MAPK10: variants seen among roughly 807,000 people sequenced by gnomAD.
MAPK10 encodes the protein JNK3 alpha protein kinase.
Under a neutral mutation model 59.3 loss-of-function variants are expected in MAPK10, and 25 were observed. The ratio of observed to expected loss-of-function variants is 0.42; its 90% CI spans 0.31 to 0.59. The LOEUF (loss-of-function observed/expected upper bound fraction) is 0.59, where lower values mean the gene tolerates loss of function less well. Among genes scored for constraint, MAPK10 ranks in the 20% least tolerant of loss-of-function variants. The pLI is 0.15. For missense variants in MAPK10, 351 were observed against 568.9 expected, an observed-to-expected ratio of 0.62 and a Z score of 3.90; for synonymous variants, 190 against 200.5, an observed-to-expected ratio of 0.95 and a Z score of 0.44.
chr4:86,158,513 T>A (rs2068530188), intron 4 of MAPK10, among the ~76,000 whole-genome samples: 2 of 151,788 alleles, frequency 1.3e-5, no homozygotes, highest in East Asian at 1.9e-4. Context: ...TATAAATAAA[T>A]ACACATATAT....
intron 2 of MAPK10, among the ~76,000 whole-genome samples, chr4:86,237,977 G>A (rs907273804): frequency 2.0e-5 from 3 of 152,210 alleles, no homozygotes; most frequent in South Asian, 4.1e-4. Context: ...TATAGTTTTG[G>A]GTTTTACATT....
At chr4:86,409,511 T>C (rs1564818039) in intron 1 of MAPK10, among the ~76,000 whole-genome samples, 2 of 152,246 alleles carry the variant, frequency 1.3e-5, no homozygotes, top group Admixed American at 6.5e-5. Context: ...ATTTTCATGA[T>C]ATTGATTCTT....
chr4:86,374,745 A>C (rs937577687), intron 1 of MAPK10, among the ~76,000 whole-genome samples: 8 of 152,208 alleles, frequency 5.3e-5, no homozygotes, highest in African/African-American at 1.9e-4. Flanking sequence ...CCGTGAATTT[A>C]AGAGACAAAT....
chr4:86,323,122 T>C (rs2095939565), intron 2 of MAPK10, among the ~76,000 whole-genome samples: 1 of 152,138 alleles, frequency 6.6e-6, no homozygotes, highest in Non-Finnish European at 1.5e-5. Flanking sequence ...TGCAGTGAGC[T>C]GAGGTTGTTC....
Position 86,101,918 on chromosome 4 carries a change from G to C in MAPK10, c.540C>G (p.Leu180=), listed in dbSNP as rs1561702677. Residue 180 remains leucine, a synonymous_variant, in exon 7 of 14, where the codon CTC becomes CTG. Coordinates refer to ENST00000641462, the MANE Select transcript of MAPK10 (RefSeq NM_138982.4). ...CCCTGTGAATAATTCCAGCAGAATG[G>C]AGGTGCTTAATGCCACACAACATTT... ...LYQMLCGIKH[L]HSAGIIHRDL... 6.2e-7 allele frequency: 1 copy of C among 1,614,038 alleles called. No individual in the cohort carries two copies. The highest frequency in any genetic ancestry group is 2.2e-5 in the East Asian group (1 of 44,866).
intron 2 of MAPK10, among the ~76,000 whole-genome samples, chr4:86,280,922 C>A (rs541494433): frequency 6.6e-6 from 1 of 151,946 alleles, no homozygotes; most frequent in African/African-American, 2.4e-5. Flanking sequence ...AAGATGGGAA[C>A]AAAAGACACT....
At chr4:86,501,667 T>A (rs2904104) in intron 1 of MAPK10, among the ~76,000 whole-genome samples, 1 of 150,376 alleles carries the variant, frequency 6.6e-6, no homozygotes, top group Non-Finnish European at 1.5e-5. Flanking sequence ...TTTGTATGCA[T>A]GTGTGTGTGC....
rs560914670 is a variant in MAPK10, at chr4:86,206,256, G to A, written c.-6-11849C>T. ...TTCCCCTTCCTGTGTCCGTGTGTTC[G>A]CATTGTTCAATTCCCACCTATGAGT... On this transcript the variant is annotated intron_variant, in intron 2 of 13. Coordinates refer to ENST00000641462, the MANE Select transcript of MAPK10 (RefSeq NM_138982.4). Among the ~76,000 whole-genome samples, 602 of 150,682 alleles carry A rather than the reference G, an allele frequency of 4.0e-3. 6 individuals are homozygous for A. The highest frequency in any genetic ancestry group is 0.014 in the African/African-American group (574 of 40,906).
chr4:86,472,444 T>C (rs1374544783), intron 1 of MAPK10, among the ~76,000 whole-genome samples: 1 of 152,116 alleles, frequency 6.6e-6, no homozygotes, highest in Non-Finnish European at 1.5e-5. Context: ...GACAAAGCTG[T>C]GACCAGCCTG....
At chr4:86,532,476 C>CAGGT (rs1405701723) in intron 1 of MAPK10, among the ~76,000 whole-genome samples, 1 of 152,206 alleles carries the variant, frequency 6.6e-6, no homozygotes, top group African/African-American at 2.4e-5. Flanking sequence ...AAGCCCCAAC[C>CAGGT]AAACTGGTCT....
At chr4:86,434,410 T>C (rs1046483007) in intron 1 of MAPK10, among the ~76,000 whole-genome samples, 4 of 152,314 alleles carry the variant, frequency 2.6e-5, no homozygotes, top group South Asian at 2.1e-4. Flanking sequence ...AAGGGATTAA[T>C]AACAAGAATA....
intron 1 of MAPK10, chr4:86,384,221 C>G (rs1315360831): frequency 6.6e-6 from 1 of 152,072 alleles, no homozygotes; most frequent in Admixed American, 6.6e-5. Context: ...AGGTGCTACA[C>G]CAGGAACTGG....
chr4:86,371,633 G>A (rs1169194867), intron 1 of MAPK10, among the ~76,000 whole-genome samples: 2 of 152,182 alleles, frequency 1.3e-5, no homozygotes, highest in South Asian at 2.1e-4. Flanking sequence ...AGCTCCCAGC[G>A]AGATCAATAC....
At chr4:86,456,325 G>A (rs1751223143), upstream of MAPK10, among the ~76,000 whole-genome samples, 1 of 151,894 alleles carries the variant, frequency 6.6e-6, no homozygotes, top group South Asian at 2.1e-4. Context: ...AGAACTAAAT[G>A]AAATTGAAAC....
chr4:86,498,242 G>A (rs1755036238), intron 1 of MAPK10, among the ~76,000 whole-genome samples: 1 of 152,240 alleles, frequency 6.6e-6, no homozygotes, highest in South Asian at 2.1e-4. Context: ...ACCCTGCAGA[G>A]CAAGGCCTGG....
intron 2 of MAPK10, among the ~76,000 whole-genome samples, chr4:86,328,261 A>T (rs1171609661): frequency 6.6e-6 from 1 of 152,226 alleles, no homozygotes; most frequent in Non-Finnish European, 1.5e-5. Flanking sequence ...GCTCTACATC[A>T]CTGATCATTA....
intron 9 of MAPK10, among the ~76,000 whole-genome samples, chr4:86,074,531 C>G (rs1286747919): frequency 7.5e-6 from 1 of 133,120 alleles, no homozygotes; most frequent in Non-Finnish European, 1.6e-5. Flanking sequence ...GTGGCTGGTA[C>G]TGGTTGTTCC....
At chr4:86,519,748 T>C (rs2149087112) in intron 1 of MAPK10, among the ~76,000 whole-genome samples, 1 of 152,214 alleles carries the variant, frequency 6.6e-6, no homozygotes, top group East Asian at 1.9e-4. Flanking sequence ...CATTTTGGGG[T>C]ATTTTGAGGT....
chr4:86,220,074 C>A (rs986997818), intron 2 of MAPK10: 10 of 152,108 alleles, frequency 6.6e-5, no homozygotes, highest in African/African-American at 2.4e-4. Flanking sequence ...GTTACATTTA[C>A]TATTTTAAGA....
Sources: allele counts gnomAD v4.1 joint callset (sites outside exome capture counted in the v4.1 genomes callset), GRCh38; gene constraint gnomAD v4.1.1; transcripts MANE v1.5; gene names NCBI Gene and HGNC (gene_info 2026-07-23, HGNC 2026-07-21).